The following PCDH15 variants were observed in gnomAD, a reference collection of about 807,000 sequenced individuals.
PCDH15 encodes the protein protocadherin related 15.
Under a neutral mutation model 178.5 loss-of-function variants are expected in PCDH15, and 129 were observed. That is an observed-to-expected ratio of 0.72 (90% CI 0.63 to 0.84). The LOEUF is 0.84. Ranked by LOEUF, PCDH15 falls within the 40% of genes least tolerant of loss-of-function variation. The pLI is 0.00. For synonymous variants in PCDH15, 800 were observed against 732.0 expected (o/e 1.09, Z -1.50); for missense variants, 2,230 against 2,099.9 (o/e 1.06, Z -1.21).
intron 2 of PCDH15, among the ~76,000 whole-genome samples, chr10:55,432,519 C>T (rs1395347196): frequency 6.6e-6 from 1 of 151,908 alleles, no homozygotes; most frequent in Non-Finnish European, 1.5e-5. Context: ...TTACAAATAT[C>T]CAGGTAAGAG....
At chr10:54,686,035 C>G (rs1446611864) in intron 1 of PCDH15, among the ~76,000 whole-genome samples, 1 of 127,276 alleles carries the variant, frequency 7.9e-6, no homozygotes, top group Non-Finnish European at 1.7e-5. Context: ...GGGAGCAAGA[C>G]AGCCAATTTT....
chr10:54,139,397 A>C (rs1267703860), intron 14 of PCDH15, among the ~76,000 whole-genome samples: 1 of 152,186 alleles, frequency 6.6e-6, no homozygotes, highest in Non-Finnish European at 1.5e-5. Flanking sequence ...TATTAAAATG[A>C]AATAATCAAG....
chr10:55,460,622 T>C (rs1327852926), intron 2 of PCDH15, among the ~76,000 whole-genome samples: 1 of 152,114 alleles, frequency 6.6e-6, no homozygotes, highest in Non-Finnish European at 1.5e-5. Context: ...TATATAGTTG[T>C]TGCAATAATT....
At chr10:55,191,029 T>A (rs1225813723) in intron 1 of PCDH15, among the ~76,000 whole-genome samples, 8 of 151,598 alleles carry the variant, frequency 5.3e-5, no homozygotes, top group Admixed American at 5.3e-4. Flanking sequence ...ATATTTGGGG[T>A]TTTTTAAGAG....
At chr10:54,977,856 G>C (rs995077936) in intron 2 of PCDH15, among the ~76,000 whole-genome samples, 9 of 152,110 alleles carry the variant, frequency 5.9e-5, no homozygotes, top group African/African-American at 2.2e-4. Flanking sequence ...AAAGATATTT[G>C]ACAAATTCTT....
intron 26 of PCDH15, among the ~76,000 whole-genome samples, chr10:53,878,745 C>T (rs1232749512): frequency 1.3e-5 from 2 of 151,732 alleles, no homozygotes; most frequent in Non-Finnish European, 2.9e-5. Flanking sequence ...TCATATTTTT[C>T]ACTGTGGTAC....
chr10:54,196,530 T>A (rs1401116406), intron 10 of PCDH15, among the ~76,000 whole-genome samples: 1 of 152,174 alleles, frequency 6.6e-6, no homozygotes, highest in African/African-American at 2.4e-5. Context: ...GATACTTGAG[T>A]GTACCGCTGA....
At chr10:54,324,368 G>C (rs1249293758) in intron 7 of PCDH15, among the ~76,000 whole-genome samples, 2 of 152,084 alleles carry the variant, frequency 1.3e-5, no homozygotes, top group Non-Finnish European at 2.9e-5. Context: ...AGGAAAGATA[G>C]CTAGCATCCC....
chr10:53,836,817 A>G (rs961216160), intron 29 of PCDH15, among the ~76,000 whole-genome samples: 2 of 152,220 alleles, frequency 1.3e-5, no homozygotes, highest in Non-Finnish European at 2.9e-5. Flanking sequence ...TAACCCAGAT[A>G]TTGGAACTGT....
intron 21 of PCDH15, among the ~76,000 whole-genome samples, chr10:53,989,433 A>G (rs562964774): frequency 6.6e-6 from 1 of 152,280 alleles, no homozygotes; most frequent in East Asian, 1.9e-4. Flanking sequence ...TATTATTAAT[A>G]ATATAATCAT....
chr10:55,419,719 C>T (rs1565119837), intron 2 of PCDH15, among the ~76,000 whole-genome samples: 1 of 150,996 alleles, frequency 6.6e-6, no homozygotes, highest in Non-Finnish European at 1.5e-5. Context: ...TACTATAGCA[C>T]ATACCCATTT....
chr10:55,088,416 G>A (rs771942499), intron 2 of PCDH15, among the ~76,000 whole-genome samples: 7 of 151,700 alleles, frequency 4.6e-5, no homozygotes, highest in Non-Finnish European at 7.4e-5. Flanking sequence ...CTACAGTTGT[G>A]CGCCACCATG....
intron 2 of PCDH15, among the ~76,000 whole-genome samples, chr10:54,928,910 T>G (rs528781547): frequency 6.6e-6 from 1 of 152,170 alleles, no homozygotes; most frequent in African/African-American, 2.4e-5. Flanking sequence ...CTATCCATAT[T>G]GTAAATTCTA....
rs557159509 is a variant in PCDH15 at position 55,001,834 on chromosome 10, C to T, written c.-79-104334G>A. On this transcript the variant is annotated intron_variant, in intron 2 of 5. Transcript: ENST00000458638. ...CAGAGGTTTCTGGCTGGAAAAGCAA[C>T]CCCCTAAGGATCCTCTGACAATTAT... Among the ~76,000 whole-genome samples, 14 of 152,324 alleles carry T rather than the reference C, an allele frequency of 9.2e-5. No individual in the cohort carries two copies. The South Asian group carries it at 1.0e-3, about 11-fold the overall frequency.
chr10:54,320,718 G>A (rs1233724913), intron 7 of PCDH15, among the ~76,000 whole-genome samples: 2 of 151,878 alleles, frequency 1.3e-5, no homozygotes, highest in Non-Finnish European at 2.9e-5. Flanking sequence ...AGCATATCCT[G>A]AGTAGCTTCC....
rs1952360034 is a variant in PCDH15 at position 54,404,470 on chromosome 10, CAGA to C, written c.158-25531_158-25529del. On this transcript the variant is annotated intron_variant, in intron 3 of 37. Coordinates refer to ENST00000644397, the MANE Select transcript of PCDH15 (RefSeq NM_001384140.1). ...GTAGGGAGAACTGACAAGCCATATG[CAGA>C]AGATTAAAACTAGACCCCTTCCTTA... 3.9e-5 allele frequency among the ~76,000 whole-genome samples: 6 copies of C among 151,976 alleles called. No homozygotes were observed. In the South Asian group the frequency reaches 1.2e-3, roughly 32 times the overall value.
chr10:55,217,079 AG>A (rs1840725682), intron 1 of PCDH15, among the ~76,000 whole-genome samples: 1 of 151,858 alleles, frequency 6.6e-6, no homozygotes, highest in South Asian at 2.1e-4. Context: ...GAAGAATGGT[AG>A]GGGGTGGGTT....
intron 10 of PCDH15, among the ~76,000 whole-genome samples, chr10:54,207,468 C>T (rs1225807139): frequency 6.6e-6 from 1 of 150,938 alleles, no homozygotes; most frequent in Non-Finnish European, 1.5e-5. Flanking sequence ...AATATTTTTG[C>T]TTTGATTAAA....
chr10:55,621,037 T>C (rs1187641613), intron 2 of PCDH15, among the ~76,000 whole-genome samples: 1 of 151,884 alleles, frequency 6.6e-6, no homozygotes, highest in Non-Finnish European at 1.5e-5. Context: ...TATGTTTATG[T>C]TAGAAAACCA....
Sources: gnomAD v4.1 joint callset for allele counts (sites outside exome capture counted in the v4.1 genomes callset) on GRCh38, gnomAD v4.1.1 for gene constraint, MANE v1.5 for transcripts, NCBI Gene and HGNC (gene_info 2026-07-23, HGNC 2026-07-21) for gene names.